F13A1: variants seen among roughly 807,000 people sequenced by gnomAD.
F13A1 encodes coagulation factor XIII A chain, also known as FSF, A subunit.
Under a neutral mutation model 80.1 loss-of-function variants are expected in F13A1, and 47 were observed. The ratio of observed to expected loss-of-function variants is 0.59; its 90% CI spans 0.46 to 0.75. The LOEUF is 0.75. F13A1 is among the 30% of genes least tolerant of loss of function. The pLI, the probability that F13A1 is intolerant of heterozygous loss-of-function variation, is 0.00. For synonymous variants in F13A1, 349 were observed against 344.9 expected, an observed-to-expected ratio of 1.01 and a Z score of -0.13; for missense variants, 817 against 930.4, an observed-to-expected ratio of 0.88 and a Z score of 1.59.
At chr6:6,301,261 A>G (rs6907217) in intron 3 of F13A1, among the ~76,000 whole-genome samples, 1,967 of 152,288 alleles carry the variant, frequency 0.013, 48 homozygotes, top group African/African-American at 0.044. Context: ...AACTTCCTGA[A>G]TGATGTGAGA....
At chr6:6,201,055 C>T (rs1016353697) in intron 8 of F13A1, among the ~76,000 whole-genome samples, 6 of 152,164 alleles carry the variant, frequency 3.9e-5, no homozygotes, top group East Asian at 3.8e-4. Flanking sequence ...GCTTCCTATA[C>T]GACCCGAAGT....
rs380058 is a variant in F13A1 at position 6,174,553 on chromosome 6, G to C, written c.1747+27C>G. 1,600,340 of 1,613,908 alleles carry C rather than the reference G, an allele frequency of 0.99. 794,310 individuals are homozygous for C. Among genetic ancestry groups the C allele is most frequent in the Non-Finnish European group, 1 (1,179,395 of 1,179,964 alleles). ...GACAGGGGCCAGACAGCGAGTCTCA[G>C]AAAGAACCACACCATTGTTAGCTTA... On this transcript the variant is annotated intron_variant, in intron 12 of 14. Transcript: ENST00000264870.
At chr6:6,287,539 T>G (rs6934544) in intron 3 of F13A1, among the ~76,000 whole-genome samples, 10,135 of 152,132 alleles carry the variant, frequency 0.067, 891 homozygotes, top group African/African-American at 0.2. Context: ...TTGTGGATGT[T>G]CTGAGTGTTC....
chr6:6,248,243 T>G (rs1008156770), intron 6 of F13A1, 69 bp downstream of exon 6: 1 of 1,223,000 alleles, frequency 8.2e-7, no homozygotes, highest in African/African-American at 1.5e-5. Context: ...CAGCTCTTAA[T>G]GAACTGGCAT....
At chr6:6,206,853 T>C (rs551478312) in intron 8 of F13A1, among the ~76,000 whole-genome samples, 1 of 150,426 alleles carries the variant, frequency 6.6e-6, no homozygotes, top group East Asian at 1.9e-4. Context: ...AGGAAGACTC[T>C]ACTAGATGCC....
intron 6 of F13A1, among the ~76,000 whole-genome samples, chr6:6,225,857 T>C (rs1757269731): frequency 6.6e-6 from 1 of 152,186 alleles, no homozygotes; most frequent in South Asian, 2.1e-4. Context: ...CTTATGATTG[T>C]TTAAACAGAT....
At position 6,320,585 on chromosome 6, in the gene F13A1, A is replaced by G; in HGVS notation, c.-19+2T>C. 1 of 468,332 alleles carries G rather than the reference A, an allele frequency of 2.1e-6. No individual in the cohort carries two copies. The highest frequency in any genetic ancestry group is 4.4e-6 in the Non-Finnish European group (1 of 225,578). 29.0% of individuals were successfully genotyped at this position (468,332 alleles called of 1,614,324 possible). A position where few individuals can be genotyped will look rare whatever the true frequency, so the allele number is the denominator to read the frequency against. ...TCATAGGGTGCAGGGTCGGTGGCTT[A>G]CCTGCAGGCGCTCCCCTCCAGAGGT... On this transcript the variant is annotated splice_donor_variant, in intron 1 of 14. Coordinates refer to ENST00000264870, the MANE Select transcript of F13A1 (RefSeq NM_000129.4). LOFTEE classifies it low-confidence loss of function (5UTR_SPLICE).
intron 8 of F13A1, among the ~76,000 whole-genome samples, chr6:6,219,977 A>G (rs1291313590): frequency 1.3e-5 from 2 of 152,144 alleles, no homozygotes; most frequent in Non-Finnish European, 1.5e-5. Context: ...AGCAGGGAAT[A>G]TTGTTCTCTC....
intron 10 of F13A1, among the ~76,000 whole-genome samples, chr6:6,191,312 A>G (rs1296973707): frequency 1.3e-5 from 2 of 152,258 alleles, no homozygotes; most frequent in African/African-American, 4.8e-5. Flanking sequence ...GATTGGTACT[A>G]CTTGTGAAAG....
chr6:6,185,175 A>G (rs1373012637), intron 10 of F13A1, among the ~76,000 whole-genome samples: 1 of 150,146 alleles, frequency 6.7e-6, no homozygotes, highest in Non-Finnish European at 1.5e-5. Flanking sequence ...ACATGTGCAC[A>G]TTGTGCAGGT....
At chr6:6,148,559 T>C (rs1343457375) in intron 14 of F13A1, among the ~76,000 whole-genome samples, 2 of 152,164 alleles carry the variant, frequency 1.3e-5, no homozygotes, top group African/African-American at 4.8e-5. Flanking sequence ...GGCGTCCAAG[T>C]TGTTACATGG....
chr6:6,156,910 C>T (rs1400335984), intron 13 of F13A1, among the ~76,000 whole-genome samples: 1 of 152,144 alleles, frequency 6.6e-6, no homozygotes, highest in African/African-American at 2.4e-5. Flanking sequence ...TTCCCATTAC[C>T]CTAGAAAGTT....
chr6:6,247,648 C>A (rs533563293), intron 6 of F13A1, among the ~76,000 whole-genome samples: 2 of 152,304 alleles, frequency 1.3e-5, no homozygotes, highest in African/African-American at 4.8e-5. Flanking sequence ...TTAGGATATC[C>A]TGCAGAGAGC....
chr6:6,158,919 C>CT (rs1760525989), intron 13 of F13A1, among the ~76,000 whole-genome samples: 7 of 35,814 alleles, frequency 2.0e-4, no homozygotes, highest in Non-Finnish European at 2.7e-4. Flanking sequence ...TTTTTTTTTT[C>CT]GAGACGGAGT....
intron 7 of F13A1, among the ~76,000 whole-genome samples, chr6:6,224,327 G>C (rs930482531): frequency 1.6e-4 from 25 of 152,026 alleles, no homozygotes; most frequent in African/African-American, 5.8e-4. Context: ...TATATCTTTT[G>C]TTATTTATTA....
In F13A1 at chr6:6,222,079, C is replaced by G. The variant is rs755343764; in HGVS notation, c.1066G>C (p.Glu356Gln). The change falls in exon 8 of 15, where the codon GAA (glutamate) becomes CAA (glutamine). Residue 356 changes from glutamate to glutamine, a missense_variant. Physicochemically the swap from Glu to Gln is conservative, Grantham distance 29 (BLOSUM62 2). Coordinates refer to ENST00000264870, the MANE Select transcript of F13A1 (RefSeq NM_000129.4). ...DANLQMDIFL[E>Q]EDGNVNSKLT... ...TTGGAATTCACGTTCCCATCTTCTT[C>G]CAGGAAGATGTCCATTTGCAAATTG... 5 of 1,613,988 alleles carry G rather than the reference C, an allele frequency of 3.1e-6. No individual in the cohort carries two copies. The South Asian group carries it at 5.5e-5, about 18-fold the overall frequency.
rs745429498 is a variant in F13A1, at chr6:6,250,787, A to G, written c.690+24T>C. 3 of 1,491,916 alleles carry G rather than the reference A, an allele frequency of 2.0e-6. No homozygotes were observed. The South Asian group carries it at 3.4e-5, about 17-fold the overall frequency. The allele number at this position is 1,491,916 out of a possible 1,614,324, so 92.4% of individuals were successfully genotyped here. On this transcript the variant is annotated intron_variant, in intron 5 of 14. Coordinates refer to ENST00000264870, the MANE Select transcript of F13A1 (RefSeq NM_000129.4). This position sits in a 1 kb window ranked among gnomAD's most constrained non-coding sequence, Gnocchi z 4.2. ...AATATGAAGTAAAAATGTCCTTGAC[A>G]ATAACAAATTTTAAGTGGCTCACCT...
At chr6:6,186,831 C>T (rs1291591495) in intron 10 of F13A1, among the ~76,000 whole-genome samples, 59 of 150,442 alleles carry the variant, frequency 3.9e-4, no homozygotes, top group African/African-American at 9.8e-4. Context: ...GCCATTTTCA[C>T]GATATTGATT....
intron 14 of F13A1, 23 bp downstream of exon 14, chr6:6,151,790 G>T (rs537237465): frequency 3.5e-5 from 57 of 1,613,638 alleles, no homozygotes; most frequent in Non-Finnish European, 4.4e-5. Flanking sequence ...CTGCCTGCCC[G>T]GTCTCCCCAA....
Sources: allele counts gnomAD v4.1 joint callset (sites outside exome capture counted in the v4.1 genomes callset), GRCh38; gene constraint gnomAD v4.1.1; non-coding constraint Gnocchi (gnomAD v3.1); transcripts MANE v1.5; gene names NCBI Gene and HGNC (gene_info 2026-07-23, HGNC 2026-07-21).